IL23A: variants seen among roughly 807,000 people sequenced by gnomAD.
IL23A encodes interleukin-23 subunit alpha.
A neutral mutation model predicts 20.7 loss-of-function variants in IL23A; 16 were observed. That is an observed-to-expected ratio of 0.77 (90% CI 0.52 to 1.17). The LOEUF (loss-of-function observed/expected upper bound fraction) is 1.17. Among genes scored for constraint, IL23A ranks in the 50% most tolerant of loss-of-function variants. The pLI, the probability that IL23A is intolerant of heterozygous loss-of-function variation, is 0.00. For missense variants in IL23A, 175 were observed against 229.5 expected, an observed-to-expected ratio of 0.76 and a Z score of 1.53; for synonymous variants, 80 against 88.7, an observed-to-expected ratio of 0.90 and a Z score of 0.55.
At chr12:56,339,294 T>C (rs1565642118) in intron 1 of IL23A, 88 bp downstream of exon 1, 2 of 1,429,704 alleles carry the variant, frequency 1.4e-6, no homozygotes, top group Non-Finnish European at 1.9e-6. Flanking sequence ...AGCTGGAGGG[T>C]TGAAGGCCAT....
At chr12:56,339,323 A>T in intron 1 of IL23A, 103 bp from the exon 2 acceptor site, 1 of 1,380,168 alleles carries the variant, frequency 7.2e-7, no homozygotes, top group Non-Finnish European at 1.0e-6. Context: ...AAGAGAGGAC[A>T]AGAGAGTAGG....
At chr12:56,339,580 G>A in intron 2 of IL23A, 56 bp downstream of exon 2, 1 of 1,583,184 alleles carries the variant, frequency 6.3e-7, no homozygotes. Flanking sequence ...ACATGGCTGG[G>A]TACCATGGTA....
intron 1 of IL23A, 59 bp from the exon 2 acceptor site, chr12:56,339,367 G>C: frequency 7.0e-7 from 1 of 1,425,766 alleles, no homozygotes; most frequent in Non-Finnish European, 9.9e-7. Flanking sequence ...GAGGGTCCAG[G>C]TTGGCTTCAG....
At position 56,340,037 on chromosome 12, in the gene IL23A, G is replaced by C. The variant is rs1203087143; in HGVS notation, c.503G>C (p.Ser168Thr). 6.2e-7 allele frequency: 1 copy of C among 1,614,076 alleles called. No homozygotes were observed. The highest frequency in any genetic ancestry group is 1.3e-5 in the African/African-American group (1 of 74,932). ...CTTCTCCGCTTCAAAATCCTTCGCA[G>C]CCTCCAGGCCTTTGTGGCTGTAGCC... is the stretch of plus-strand genomic sequence containing the variant. Reference protein sequence around the residue: ...RLLLRFKILRSLQAFVAVAAR... With the variant: ...RLLLRFKILRTLQAFVAVAAR... Residue 168 changes from serine to threonine, a missense_variant, in exon 4 of 4, where the codon AGC becomes ACC. Physicochemically the swap from Ser to Thr is moderately conservative, Grantham distance 58 (BLOSUM62 1). Coordinates refer to ENST00000228534, the MANE Select transcript of IL23A (RefSeq NM_016584.3).
chr12:56,339,710 A>T lies in IL23A; in HGVS notation c.281A>T (p.His94Leu). ...CCCTAGTTCTGCTTGCAAAGGATCC[A>T]CCAGGGTCTGATTTTTTATGAGAAG... Reference protein sequence around the residue: ...DNSQFCLQRIHQGLIFYEKLL... With the variant: ...DNSQFCLQRILQGLIFYEKLL... Residue 94 changes from histidine (H) to leucine (L), a missense_variant, in exon 3 of 4, where the codon CAC becomes CTC. Coordinates refer to ENST00000228534, the MANE Select transcript of IL23A (RefSeq NM_016584.3). The T allele has an allele frequency of 6.2e-7, 1 of 1,613,884 alleles. No homozygotes were observed. Among genetic ancestry groups the T allele is most frequent in the Non-Finnish European group, 8.5e-7 (1 of 1,179,928 alleles).
In IL23A at chr12:56,339,027, TGAG is replaced by T. The variant is rs746997179; in HGVS notation, c.-17_-15del. On this transcript the variant is annotated 5_prime_UTR_variant, in exon 1 of 4. Transcript: ENST00000228534. ...TGCAAGGCGCAGAGCCAGCCAGATTTGAGAAGAAGGCAAAAAGATGCTGGGGAG... is the reference window on the plus strand; with the variant it reads ...TGCAAGGCGCAGAGCCAGCCAGATTTAAGAAGGCAAAAAGATGCTGGGGAG... 8.7e-6 allele frequency: 12 copies of T among 1,373,764 alleles called. No homozygotes were observed. The African/African-American group carries it at 1.3e-4, about 15-fold the overall frequency. 85.1% of individuals were successfully genotyped at this position (1,373,764 alleles called of 1,614,324 possible).
Position 56,339,713 on chromosome 12 carries a change from A to G in IL23A, c.284A>G (p.Gln95Arg), listed in dbSNP as rs1336331610. The part of the protein sequence containing the change: ...NSQFCLQRIH[Q>R]GLIFYEKLLG... ...TAGTTCTGCTTGCAAAGGATCCACC[A>G]GGGTCTGATTTTTTATGAGAAGCTG... Residue 95 changes from glutamine (Q) to arginine (R), a missense_variant, in exon 3 of 4, where the codon CAG becomes CGG. By Grantham distance (43) the Gln-to-Arg change is conservative (BLOSUM62 1). Transcript: ENST00000228534. 4 of 1,613,938 alleles carry G rather than the reference A, an allele frequency of 2.5e-6. No individual in the cohort carries two copies. The highest frequency in any genetic ancestry group is 3.4e-6 in the Non-Finnish European group (4 of 1,179,914).
At chr12:56,339,604 G>A (rs568235540) in intron 2 of IL23A, 80 bp downstream of exon 2, 41 of 1,598,506 alleles carry the variant, frequency 2.6e-5, no homozygotes, top group Non-Finnish European at 3.2e-5. Flanking sequence ...CAGAAGTTGT[G>A]TCTGAAAATA....
Position 56,340,109 on chromosome 12 carries a change from A to G in IL23A, c.*5A>G. 6.2e-7 allele frequency: 1 copy of G among 1,613,672 alleles called. No individual in the cohort carries two copies. Among genetic ancestry groups the G allele is most frequent in the Non-Finnish European group, 8.5e-7 (1 of 1,179,740 alleles). On this transcript the variant is annotated 3_prime_UTR_variant, in exon 4 of 4. Coordinates refer to ENST00000228534, the MANE Select transcript of IL23A (RefSeq NM_016584.3). ...GCAGCAACCCTGAGTCCCTAAAGGC[A>G]GCAGCTCAAGGATGGCACTCAGATC...
chr12:56,339,074 G>T lies in IL23A; in HGVS notation c.30G>T (p.Leu10=). ...TGGGGAGCAGAGCTGTAATGCTGCT[G>T]TTGCTGCTGCCCTGGACAGCTCAGG... MLGSRAVML[L]LLLPWTAQGR... Residue 10 remains leucine, a synonymous_variant, in exon 1 of 4, where the codon CTG becomes CTT. Coordinates refer to ENST00000228534, the MANE Select transcript of IL23A (RefSeq NM_016584.3). 6.9e-7 allele frequency: 1 copy of T among 1,446,252 alleles called. No individual in the cohort carries two copies. Among genetic ancestry groups the T allele is most frequent in the Non-Finnish European group, 9.2e-7 (1 of 1,091,650 alleles). 89.6% of individuals were successfully genotyped at this position (1,446,252 alleles called of 1,614,324 possible).
At chr12:56,339,389 T>A in intron 1 of IL23A, 37 bp from the exon 2 acceptor site, 13 of 1,512,344 alleles carry the variant, frequency 8.6e-6, no homozygotes, top group Non-Finnish European at 1.2e-5. Context: ...AGTACTATCT[T>A]ACTTCTTCAT....
In IL23A at chr12:56,340,242, C is replaced by T; in HGVS notation, c.*138C>T. ...GGGACCTGCATATGTTGAAAATTAC[C>T]AATACTGACTGACATGTGATGCTGA... On this transcript the variant is annotated 3_prime_UTR_variant, in exon 4 of 4. Transcript: ENST00000228534. 1.2e-6 allele frequency: 1 copy of T among 802,046 alleles called. No individual in the cohort carries two copies. The highest frequency in any genetic ancestry group is 1.9e-6 in the Non-Finnish European group (1 of 516,466). 49.7% of individuals were successfully genotyped at this position (802,046 alleles called of 1,614,324 possible).
chr12:56,339,859 G>C, intron 3 of IL23A, 22 bp downstream of exon 3: 1 of 1,610,306 alleles, frequency 6.2e-7, no homozygotes, highest in Non-Finnish European at 8.5e-7. Context: ...GGGCGTGGAG[G>C]ATGGGGGCTT....
rs768368070 is a variant in IL23A, at chr12:56,339,080, G to T, written c.36G>T (p.Leu12=). The T allele has an allele frequency of 2.1e-6, 3 of 1,428,864 alleles. No individual in the cohort carries two copies. The Admixed American group carries it at 7.6e-5, about 36-fold the overall frequency. 88.5% of individuals were successfully genotyped at this position (1,428,864 alleles called of 1,614,324 possible). The change falls in exon 1 of 4, where the codon CTG becomes CTT. Residue 12 remains leucine (L), a synonymous_variant. Coordinates refer to ENST00000228534, the MANE Select transcript of IL23A (RefSeq NM_016584.3). ...LGSRAVMLLL[L]LPWTAQGRAV... ...GCAGAGCTGTAATGCTGCTGTTGCT[G>T]CTGCCCTGGACAGCTCAGGGCAGAG...
rs561784555 is a variant in IL23A, at chr12:56,338,961, T to A, written c.-84T>A. 2.3e-5 allele frequency: 27 copies of A among 1,186,702 alleles called. No homozygotes were observed. The South Asian group carries it at 7.8e-4, about 34-fold the overall frequency. 73.5% of individuals were successfully genotyped at this position (1,186,702 alleles called of 1,614,324 possible). A position where few individuals can be genotyped will look rare whatever the true frequency, so the allele number is the denominator to read the frequency against. On this transcript the variant is annotated 5_prime_UTR_variant, in exon 1 of 4. Coordinates refer to ENST00000228534, the MANE Select transcript of IL23A (RefSeq NM_016584.3). The stretch of plus-strand genomic sequence containing the variant: ...ACGCGCTGAACAGAGAGAATCAGGC[T>A]CAAAGCAAGTGGAAGTGGGCAGAGA...
rs766907063 is a variant in IL23A at position 56,339,090 on chromosome 12, A to T, written c.46A>T (p.Thr16Ser). The T allele has an allele frequency of 6.5e-7, 1 of 1,529,164 alleles. No individual in the cohort carries two copies. The highest frequency in any genetic ancestry group is 8.8e-7 in the Non-Finnish European group (1 of 1,135,758). The allele number at this position is 1,529,164 out of a possible 1,614,324, so 94.7% of individuals were successfully genotyped here. Residue 16 changes from threonine to serine, a missense_variant, in exon 1 of 4, where the codon ACA (threonine) becomes TCA (serine). Coordinates refer to ENST00000228534, the MANE Select transcript of IL23A (RefSeq NM_016584.3). ...AVMLLLLLPWTAQGRAVPGGS... is the reference protein window; with the variant it reads ...AVMLLLLLPWSAQGRAVPGGS... ...AATGCTGCTGTTGCTGCTGCCCTGG[A>T]CAGCTCAGGGCAGAGCTGTGCCTGG...
Position 56,339,410 on chromosome 12 carries a change from TCTTC to T in IL23A, c.163-11_163-8del, listed in dbSNP as rs762122707. 8 of 1,568,668 alleles carry T rather than the reference TCTTC, an allele frequency of 5.1e-6. No individual in the cohort carries two copies. The highest frequency in any genetic ancestry group is 2.6e-6 in the Non-Finnish European group (3 of 1,138,776). On this transcript the variant is annotated splice_polypyrimidine_tract_variant and intron_variant, in intron 1 of 3. Coordinates refer to ENST00000228534, the MANE Select transcript of IL23A (RefSeq NM_016584.3). ...ATCTTACTTCTTCATTCTTTCCACCTCTTCCTTCATTCCAGGATCTAAGAGAAGA... is the reference window on the plus strand; with the variant it reads ...ATCTTACTTCTTCATTCTTTCCACCTCTTCATTCCAGGATCTAAGAGAAGA...
chr12:56,340,281 TGAGTA>T lies in IL23A; in HGVS notation c.*178_*182del. 1 of 633,252 alleles carries T rather than the reference TGAGTA, an allele frequency of 1.6e-6. No homozygotes were observed. Among genetic ancestry groups the T allele is most frequent in the South Asian group, 2.2e-5 (1 of 45,852 alleles). The allele number at this position is 633,252 out of a possible 1,614,324, so 39.2% of individuals were successfully genotyped here. A position where few individuals can be genotyped will look rare whatever the true frequency, so the allele number is the denominator to read the frequency against. On this transcript the variant is annotated 3_prime_UTR_variant, in exon 4 of 4. Transcript: ENST00000228534. ...ATGTGATGCTGACCTATGATAAGGTTGAGTATTTATTAGATGGGAAGGGAAATTTG... is the reference window on the plus strand; with the variant it reads ...ATGTGATGCTGACCTATGATAAGGTTTTTATTAGATGGGAAGGGAAATTTG...
chr12:56,340,111 C>T lies in IL23A; in HGVS notation c.*7C>T, dbSNP rs1204128030. On this transcript the variant is annotated 3_prime_UTR_variant, in exon 4 of 4. Transcript: ENST00000228534. The stretch of plus-strand genomic sequence containing the variant: ...AGCAACCCTGAGTCCCTAAAGGCAG[C>T]AGCTCAAGGATGGCACTCAGATCTC... 1 of 1,613,242 alleles carries T rather than the reference C, an allele frequency of 6.2e-7. No individual in the cohort carries two copies. Among genetic ancestry groups the T allele is most frequent in the Non-Finnish European group, 8.5e-7 (1 of 1,179,594 alleles).
Sources: gnomAD v4.1 joint callset for allele counts on GRCh38, gnomAD v4.1.1 for gene constraint, MANE v1.5 for transcripts, NCBI Gene and HGNC (gene_info 2026-07-23, HGNC 2026-07-21) for gene names.